Variants in KCNH1 observed in about 807,000 individuals in gnomAD.
KCNH1 encodes voltage-gated delayed rectifier potassium channel KCNH1.
In KCNH1, 27 loss-of-function variants were observed where a neutral mutation model predicts 69.2. That is an observed-to-expected ratio of 0.39 (90% confidence interval 0.29 to 0.54). KCNH1 has a LOEUF of 0.54. Ranked by LOEUF, KCNH1 falls within the 20% of genes least tolerant of loss-of-function variation. The pLI, the probability that KCNH1 is intolerant of heterozygous loss-of-function variation, is 0.68. For missense variants in KCNH1, 798 were observed against 1,261.6 expected, an observed-to-expected ratio of 0.63 and a Z score of 5.57; for synonymous variants, 456 against 487.7, an observed-to-expected ratio of 0.93 and a Z score of 0.86.
intron 6 of KCNH1, among the ~76,000 whole-genome samples, chr1:210,979,494 C>T (rs747272671): frequency 3.3e-5 from 5 of 152,220 alleles, no homozygotes; most frequent in East Asian, 1.9e-4. Flanking sequence ...TTATTAGTAA[C>T]GTTGAACATT....
intron 6 of KCNH1, among the ~76,000 whole-genome samples, chr1:210,961,726 G>A (rs1688298943): frequency 6.6e-6 from 1 of 152,002 alleles, no homozygotes; most frequent in East Asian, 1.9e-4. Flanking sequence ...TATAATCCCA[G>A]CTACTTGGGA....
At chr1:211,013,925 A>C (rs1373788227) in intron 6 of KCNH1, among the ~76,000 whole-genome samples, 2 of 152,350 alleles carry the variant, frequency 1.3e-5, no homozygotes, top group African/African-American at 2.4e-5. Flanking sequence ...CACAAGATAA[A>C]GGAAAACTTG....
intron 10 of KCNH1, among the ~76,000 whole-genome samples, chr1:210,691,324 G>C (rs1266251006): frequency 1.3e-5 from 2 of 152,210 alleles, no homozygotes; most frequent in Non-Finnish European, 2.9e-5. Context: ...GAGAGGAGCT[G>C]ACACTGATGG....
At chr1:210,783,280 T>C (rs1457455403) in intron 9 of KCNH1, among the ~76,000 whole-genome samples, 1 of 152,166 alleles carries the variant, frequency 6.6e-6, no homozygotes, top group East Asian at 1.9e-4. Flanking sequence ...AGCCCTCCTC[T>C]TCAATCAACA....
chr1:210,997,194 T>A (rs1178937771), intron 6 of KCNH1, among the ~76,000 whole-genome samples: 1 of 152,136 alleles, frequency 6.6e-6, no homozygotes, highest in East Asian at 1.9e-4. Flanking sequence ...GAAGAAGGCT[T>A]CAGACGATCA....
intron 7 of KCNH1, among the ~76,000 whole-genome samples, chr1:210,873,349 C>CTTTA (rs889991047): frequency 1.3e-5 from 2 of 151,972 alleles, no homozygotes; most frequent in Non-Finnish European, 2.9e-5. Flanking sequence ...ATTTCTAAAT[C>CTTTA]TTTATTTATT....
chr1:210,853,305 T>C (rs946190884), intron 7 of KCNH1, among the ~76,000 whole-genome samples: 11 of 152,126 alleles, frequency 7.2e-5, no homozygotes, highest in African/African-American at 2.4e-4. Flanking sequence ...GTATAGAGCA[T>C]AGCAGGCACA....
intron 5 of KCNH1, among the ~76,000 whole-genome samples, chr1:211,068,256 A>G (rs1402166109): frequency 2.0e-5 from 3 of 152,234 alleles, no homozygotes; most frequent in Non-Finnish European, 1.5e-5. Context: ...AATATCAGCT[A>G]TGAGCTATGG....
intron 6 of KCNH1, among the ~76,000 whole-genome samples, chr1:210,929,917 C>G (rs1171761873): frequency 6.9e-6 from 1 of 144,810 alleles, no homozygotes; most frequent in Non-Finnish European, 1.5e-5. Flanking sequence ...AGAACTGAAT[C>G]CCTTTCACAA....
intron 10 of KCNH1, among the ~76,000 whole-genome samples, chr1:210,765,848 G>A (rs917148570): frequency 6.6e-6 from 1 of 152,122 alleles, no homozygotes; most frequent in African/African-American, 2.4e-5. Flanking sequence ...GATCACTTGA[G>A]GTCAGGAGTT....
chr1:210,700,125 T>A (rs1173762663), intron 10 of KCNH1, among the ~76,000 whole-genome samples: 4 of 152,190 alleles, frequency 2.6e-5, no homozygotes, highest in Non-Finnish European at 4.4e-5. Context: ...CAGGAAGTGA[T>A]GAGCCACCCA....
chr1:210,682,964 A>C lies in KCNH1; in HGVS notation c.*317T>G. 3.2e-6 allele frequency: 1 copy of C among 313,066 alleles called. No homozygotes were observed. Among genetic ancestry groups the C allele is most frequent in the Non-Finnish European group, 6.0e-6 (1 of 167,418 alleles). The allele number at this position is 313,066 out of a possible 1,614,324, so 19.4% of individuals were successfully genotyped here. ...CAGATGGCTGCTGCTCTGTTCTGGT[A>C]GTTTTAATCTTTTACAAATATCATG... On this transcript the variant is annotated 3_prime_UTR_variant, in exon 11 of 11. Coordinates refer to ENST00000271751, the MANE Select transcript of KCNH1 (RefSeq NM_172362.3).
At chr1:210,720,782 A>G (rs1443210944) in intron 10 of KCNH1, among the ~76,000 whole-genome samples, 2 of 152,186 alleles carry the variant, frequency 1.3e-5, no homozygotes, top group African/African-American at 4.8e-5. Flanking sequence ...GATGTCTTTC[A>G]TAACCAGGGA....
chr1:210,866,338 A>T (rs955885230), intron 7 of KCNH1, among the ~76,000 whole-genome samples: 27 of 152,262 alleles, frequency 1.8e-4, no homozygotes, highest in Middle Eastern at 3.4e-3. Context: ...CAACCCACAG[A>T]CTCGCAGAAA....
At chr1:210,792,096 C>T (rs963044653) in intron 9 of KCNH1, among the ~76,000 whole-genome samples, 1 of 152,140 alleles carries the variant, frequency 6.6e-6, no homozygotes, top group Admixed American at 6.5e-5. Context: ...CTTCCTCCTC[C>T]TCTGGCCCTG....
chr1:210,875,201 G>A (rs759266494), intron 7 of KCNH1, among the ~76,000 whole-genome samples: 26 of 152,016 alleles, frequency 1.7e-4, no homozygotes, highest in African/African-American at 4.1e-4. Flanking sequence ...GCTTTAATCC[G>A]GAAAGAATAT....
intron 7 of KCNH1, among the ~76,000 whole-genome samples, chr1:210,816,131 A>G (rs760782677): frequency 3.3e-5 from 5 of 152,200 alleles, no homozygotes; most frequent in Non-Finnish European, 7.4e-5. Flanking sequence ...AGCCATTGCC[A>G]TAGGCATAGA....
At chr1:210,947,229 T>C (rs958551180) in intron 6 of KCNH1, among the ~76,000 whole-genome samples, 1 of 152,170 alleles carries the variant, frequency 6.6e-6, no homozygotes, top group African/African-American at 2.4e-5. Context: ...GATCAATCCC[T>C]ACCCCATTCA....
In KCNH1 at chr1:210,979,925, T is replaced by C. The variant is rs892371516; in HGVS notation, c.1032+38858A>G. Among the ~76,000 whole-genome samples the C allele has an allele frequency of 2.6e-5, 4 of 152,312 alleles. No homozygotes were observed. The East Asian group carries it at 5.8e-4, about 22-fold the overall frequency. On this transcript the variant is annotated intron_variant, in intron 6 of 10. Transcript: ENST00000271751. ...ATCTAAATTTTGAAATATATGCAGTTTTATTGTATTAATTGTAATATCTTT... is the reference window on the plus strand; with the variant it reads ...ATCTAAATTTTGAAATATATGCAGTCTTATTGTATTAATTGTAATATCTTT...
Sources: gnomAD v4.1 joint callset for allele counts (sites outside exome capture counted in the v4.1 genomes callset) on GRCh38, gnomAD v4.1.1 for gene constraint, MANE v1.5 for transcripts, NCBI Gene and HGNC (gene_info 2026-07-23, HGNC 2026-07-21) for gene names.